The following ALDH18A1 variants were observed in gnomAD, a reference collection of about 807,000 sequenced individuals.
The protein encoded by ALDH18A1 is aldehyde dehydrogenase 18 family member A1.
A neutral mutation model predicts 88.8 loss-of-function variants in ALDH18A1; 44 were observed. That is an observed-to-expected ratio of 0.50 (90% CI 0.39 to 0.64). The LOEUF is 0.64. ALDH18A1 is among the 30% of genes least tolerant of loss of function. The pLI is 0.00. For missense variants in ALDH18A1, 782 were observed against 1,009.5 expected, an observed-to-expected ratio of 0.77 and a Z score of 3.05; for synonymous variants, 331 against 372.1, an observed-to-expected ratio of 0.89 and a Z score of 1.27.
At chr10:95,615,578 G>A (rs1415070267) in intron 13 of ALDH18A1, among the ~76,000 whole-genome samples, 1 of 152,142 alleles carries the variant, frequency 6.6e-6, no homozygotes, top group Admixed American at 6.6e-5. Flanking sequence ...AAGAAAAGGA[G>A]GGAGGGCACC....
chr10:95,624,661 C>T (rs1015768362), intron 11 of ALDH18A1, among the ~76,000 whole-genome samples: 1 of 152,174 alleles, frequency 6.6e-6, no homozygotes, highest in African/African-American at 2.4e-5. Context: ...GGCCCTGACT[C>T]TCTACATGTC....
intron 17 of ALDH18A1, among the ~76,000 whole-genome samples, chr10:95,609,769 A>ATTTTTTTT (rs55659918): frequency 0.033 from 3,737 of 114,024 alleles, 354 homozygotes; most frequent in Non-Finnish European, 0.047. Context: ...GTCTGTCTCT[A>ATTTTTTTT]TTTTTTTTTT....
intron 11 of ALDH18A1, among the ~76,000 whole-genome samples, chr10:95,622,856 A>C (rs1421480399): frequency 1.3e-5 from 2 of 152,180 alleles, no homozygotes; most frequent in African/African-American, 4.8e-5. Flanking sequence ...TTTAAAAAAC[A>C]GTAGTATGCA....
At chr10:95,655,180 G>T (rs2097916031) in intron 1 of ALDH18A1, among the ~76,000 whole-genome samples, 1 of 151,764 alleles carries the variant, frequency 6.6e-6, no homozygotes. Context: ...GGGTACATGT[G>T]CACAATGTGC....
At chr10:95,630,192 C>T (rs746099739) in intron 7 of ALDH18A1, among the ~76,000 whole-genome samples, 23 of 152,258 alleles carry the variant, frequency 1.5e-4, no homozygotes, top group East Asian at 5.8e-4. Context: ...TTGACTGCAG[C>T]GTCAACTTCC....
intron 3 of ALDH18A1, among the ~76,000 whole-genome samples, chr10:95,638,874 A>G (rs1210140787): frequency 2.0e-5 from 3 of 150,760 alleles, no homozygotes; most frequent in Admixed American, 6.6e-5. Flanking sequence ...TAAAACAATA[A>G]TAACTTTTTT....
chr10:95,651,278 C>A (rs181196463), intron 2 of ALDH18A1, among the ~76,000 whole-genome samples: 1 of 152,280 alleles, frequency 6.6e-6, no homozygotes, highest in Admixed American at 6.5e-5. Flanking sequence ...TCACTACATA[C>A]CTATCAAAAT....
chr10:95,653,006 G>C (rs1787883958), intron 2 of ALDH18A1, among the ~76,000 whole-genome samples: 1 of 151,992 alleles, frequency 6.6e-6, no homozygotes, highest in African/African-American at 2.4e-5. Flanking sequence ...GGGCAACATG[G>C]CAAAATCGCA....
intron 1 of ALDH18A1, among the ~76,000 whole-genome samples, chr10:95,654,780 G>A (rs569818871): frequency 2.6e-5 from 4 of 151,610 alleles, no homozygotes; most frequent in South Asian, 2.1e-4. Flanking sequence ...ATTTTAGCAC[G>A]TGATCTAAGT....
At chr10:95,625,891 ATTAGT>A (rs1482422774) in intron 10 of ALDH18A1, among the ~76,000 whole-genome samples, 1 of 152,030 alleles carries the variant, frequency 6.6e-6, no homozygotes, top group Non-Finnish European at 1.5e-5. Flanking sequence ...ATTTAATATC[ATTAGT>A]TAGTTTATGT....
At position 95,621,183 on chromosome 10, in the gene ALDH18A1, C is replaced by T. The variant is rs141292408; in HGVS notation, c.1315G>A (p.Gly439Ser). The change falls in exon 12 of 18, where the codon GGT (glycine) becomes AGT (serine). Residue 439 changes from glycine (G) to serine (S), a missense_variant. Transcript: ENST00000371224. ...GAGGAGGCTGCGATCTGTCGCAGACCGATGGCCAGGCTGTTCAATTTGGAT... is the reference window on the plus strand; with the variant it reads ...GAGGAGGCTGCGATCTGTCGCAGACTGATGGCCAGGCTGTTCAATTTGGAT... ...STSKLNSLAIGLRQIAASSQD... is the reference protein window; with the variant it reads ...STSKLNSLAISLRQIAASSQD... 3.8e-5 allele frequency: 62 copies of T among 1,614,020 alleles called. No individual in the cohort carries two copies. In the East Asian group the frequency reaches 7.4e-4, roughly 19 times the overall value.
intron 2 of ALDH18A1, 93 bp downstream of exon 2, chr10:95,653,197 A>C: frequency 7.9e-7 from 1 of 1,258,228 alleles, no homozygotes; most frequent in Non-Finnish European, 1.2e-6. Context: ...CCAAACAAAC[A>C]AACAAACATC....
At chr10:95,616,708 A>G (rs1045382638) in intron 12 of ALDH18A1, 94 bp from the exon 13 acceptor site, 1 of 1,482,408 alleles carries the variant, frequency 6.7e-7, no homozygotes, top group Non-Finnish European at 9.2e-7. Context: ...TGTGCTAAGC[A>G]CTGTGTTCAT....
At chr10:95,609,206 G>A (rs1305541471) in intron 17 of ALDH18A1, among the ~76,000 whole-genome samples, 1 of 152,134 alleles carries the variant, frequency 6.6e-6, no homozygotes, top group African/African-American at 2.4e-5. Flanking sequence ...CCCTGAAAAC[G>A]AGAGACTGTC....
intron 2 of ALDH18A1, among the ~76,000 whole-genome samples, chr10:95,645,528 TG>T (rs1308869165): frequency 6.6e-6 from 1 of 152,212 alleles, no homozygotes; most frequent in African/African-American, 2.4e-5. Flanking sequence ...TTCTCATGAA[TG>T]GGAAGGCGAC....
At chr10:95,619,473 T>C (rs2097848864) in intron 12 of ALDH18A1, among the ~76,000 whole-genome samples, 1 of 152,194 alleles carries the variant, frequency 6.6e-6, no homozygotes. Flanking sequence ...AGAGCCCGCA[T>C]TGCCAAGACA....
intron 10 of ALDH18A1, among the ~76,000 whole-genome samples, chr10:95,626,199 G>A (rs758445626): frequency 2.0e-5 from 3 of 151,988 alleles, no homozygotes. Context: ...TCTCAAATCC[G>A]TCCTTGACAA....
chr10:95,613,637 A>C, intron 15 of ALDH18A1, 105 bp downstream of exon 15: 1 of 1,463,026 alleles, frequency 6.8e-7, no homozygotes, highest in Non-Finnish European at 9.5e-7. Context: ...GAAGATATTA[A>C]AAAATATTGT....
intron 12 of ALDH18A1, among the ~76,000 whole-genome samples, chr10:95,618,560 T>G (rs748372074): frequency 6.6e-6 from 1 of 152,192 alleles, no homozygotes. Context: ...GTGATTCACC[T>G]GCCTGGGCCT....
Sources: gnomAD v4.1 joint callset for allele counts (sites outside exome capture counted in the v4.1 genomes callset) on GRCh38, gnomAD v4.1.1 for gene constraint, MANE v1.5 for transcripts, NCBI Gene and HGNC (gene_info 2026-07-23, HGNC 2026-07-21) for gene names.